The following GLRA2 variants were observed in gnomAD, a reference collection of about 807,000 sequenced individuals.
GLRA2 encodes the protein glycine receptor subunit alpha-2.
GLRA2 carries 11 observed loss-of-function variants against 31.6 expected under a neutral mutation model. The observed-to-expected ratio is 0.35, with a 90% confidence interval of 0.22 to 0.58. The LOEUF is 0.58. GLRA2 is among the 20% of genes least tolerant of loss of function. The pLI, the probability that GLRA2 is intolerant of heterozygous loss-of-function variation, is 0.84. For synonymous variants in GLRA2, 132 were observed against 134.0 expected (o/e 0.99, Z 0.10); for missense variants, 212 against 351.8 (o/e 0.60, Z 3.18).
intron 2 of GLRA2, among the ~76,000 whole-genome samples, chrX:14,535,736 G>T (rs751837134): frequency 1.8e-5 from 2 of 112,319 alleles, no homozygotes; most frequent in East Asian, 5.6e-4. Flanking sequence ...TCCCCACTTA[G>T]GTGATTTGTC....
At chrX:14,527,982 A>G (rs2089200772), upstream of GLRA2, among the ~76,000 whole-genome samples, 2 of 112,588 alleles carry the variant, frequency 1.8e-5, no homozygotes, top group Non-Finnish European at 3.7e-5. Context: ...TTAAGAAAAC[A>G]TATTTGAAGA....
At chrX:14,560,117 C>T (rs1338796026) in intron 2 of GLRA2, among the ~76,000 whole-genome samples, 1 of 112,177 alleles carries the variant, frequency 8.9e-6, no homozygotes, top group East Asian at 2.8e-4. Flanking sequence ...GTCTATTGAG[C>T]TAATGGCAAG....
the GLRA2 span, among the ~76,000 whole-genome samples, chrX:14,504,925 G>T: frequency 8.9e-6 from 1 of 111,881 alleles, no homozygotes; most frequent in Non-Finnish European, 1.9e-5. Flanking sequence ...GTCTGAGTAT[G>T]GGTCTAGGAA....
chrX:14,701,671 CAGTT>C (rs1457481997), intron 8 of GLRA2, among the ~76,000 whole-genome samples: 1 of 112,446 alleles, frequency 8.9e-6, no homozygotes, highest in African/African-American at 3.2e-5. Context: ...TAAAATGTGG[CAGTT>C]AGCCCACTTA....
rs1409628545 is a variant in GLRA2, at chrX:14,730,934, ACACACACACACAC to A, written c.*450_*462del. On this transcript the variant is annotated 3_prime_UTR_variant, in exon 9 of 9. Transcript: ENST00000218075. ...CACACACACACACACACACACACAC[ACACACACACACAC>A]ACAAACTTCAAAAATGCTTAACCAT... is the stretch of plus-strand genomic sequence containing the variant. 1 of 101,866 alleles carries A rather than the reference ACACACACACACAC, an allele frequency of 9.8e-6. No homozygotes were observed. Among genetic ancestry groups the A allele is most frequent in the Non-Finnish European group, 2.0e-5 (1 of 50,349 alleles). 8.4% of individuals were successfully genotyped at this position (101,866 alleles called of 1,213,427 possible). A position where few individuals can be genotyped will look rare whatever the true frequency, so the allele number is the denominator to read the frequency against.
intron 7 of GLRA2, among the ~76,000 whole-genome samples, chrX:14,680,143 C>A (rs775302588): frequency 8.9e-6 from 1 of 112,258 alleles, no homozygotes; most frequent in African/African-American, 3.2e-5. Context: ...AGGCAGTGGA[C>A]TGAATTTGAT....
At chrX:14,642,982 T>C (rs185404005) in intron 7 of GLRA2, among the ~76,000 whole-genome samples, 1 of 111,125 alleles carries the variant, frequency 9.0e-6, no homozygotes, top group South Asian at 3.8e-4. Flanking sequence ...AAAACAGAGA[T>C]ATTTCTGGCA....
At chrX:14,564,088 A>T (rs766337355) in intron 2 of GLRA2, among the ~76,000 whole-genome samples, 1 of 111,546 alleles carries the variant, frequency 9.0e-6, no homozygotes, top group African/African-American at 3.3e-5. Flanking sequence ...AAATATGTAA[A>T]TCTACAAATC....
At chrX:14,677,808 C>G (rs1052171553) in intron 7 of GLRA2, among the ~76,000 whole-genome samples, 1 of 112,433 alleles carries the variant, frequency 8.9e-6, no homozygotes, top group Non-Finnish European at 1.9e-5. Flanking sequence ...GCTGAATGTT[C>G]TTCAGAGCAA....
chrX:14,691,452 A>G (rs1457648487), intron 8 of GLRA2, among the ~76,000 whole-genome samples: 1 of 111,665 alleles, frequency 9.0e-6, no homozygotes, highest in African/African-American at 3.3e-5. Context: ...TGGCCTCATT[A>G]TCTCAACTTA....
At position 14,581,418 on chromosome X, in the gene GLRA2, T is replaced by C. The variant is rs1003297787; in HGVS notation, c.494+12T>C. ...CTCTACAGTATCAGGTAAGCCTCCA[T>C]TGGCTGCACATGTTCGCATCTCCAT... On this transcript the variant is annotated intron_variant, in intron 4 of 8. Transcript: ENST00000218075. The C allele has an allele frequency of 2.0e-5, 20 of 992,186 alleles. No homozygotes were observed. Among genetic ancestry groups the C allele is most frequent in the African/African-American group, 1.7e-4 (9 of 53,122 alleles). The allele number at this position is 992,186 out of a possible 1,213,427, so 81.8% of individuals were successfully genotyped here. A position where few individuals can be genotyped will look rare whatever the true frequency, so the allele number is the denominator to read the frequency against.
At chrX:14,589,080 C>T (rs1169725499) in intron 4 of GLRA2, among the ~76,000 whole-genome samples, 1 of 111,130 alleles carries the variant, frequency 9.0e-6, no homozygotes, top group East Asian at 2.8e-4. Flanking sequence ...CTTTCTCTTG[C>T]CTGATTGCTC....
intron 3 of GLRA2, among the ~76,000 whole-genome samples, chrX:14,575,156 T>G (rs1218651582): frequency 9.1e-6 from 1 of 109,732 alleles, no homozygotes; most frequent in Non-Finnish European, 1.9e-5. Flanking sequence ...TAAACATGTT[T>G]CATATATCTG....
At chrX:14,689,788 A>C (rs193198218) in intron 7 of GLRA2, among the ~76,000 whole-genome samples, 7 of 112,305 alleles carry the variant, frequency 6.2e-5, no homozygotes, top group African/African-American at 2.3e-4. Context: ...TCTAGGATCC[A>C]ATATTTTATA....
chrX:14,672,407 T>C (rs1428995142), intron 7 of GLRA2, among the ~76,000 whole-genome samples: 3 of 112,732 alleles, frequency 2.7e-5, no homozygotes, highest in Non-Finnish European at 5.6e-5. Flanking sequence ...ATAATAATGC[T>C]ATCTGATGGC....
chrX:14,641,329 CTT>C (rs1262330897), intron 7 of GLRA2, among the ~76,000 whole-genome samples: 1 of 111,055 alleles, frequency 9.0e-6, no homozygotes, highest in Admixed American at 9.6e-5. Flanking sequence ...TAATTTTTGC[CTT>C]TTTTGAAATT....
chrX:14,454,183 CACACCCACACACA>C, the GLRA2 span, among the ~76,000 whole-genome samples: 1 of 7,328 alleles, frequency 1.4e-4, no homozygotes, highest in Non-Finnish European at 2.6e-4. Context: ...CCCACACCCA[CACACCCACACACA>C]CACACACACA....
chrX:14,455,484 A>C, the GLRA2 span, among the ~76,000 whole-genome samples: 15 of 112,061 alleles, frequency 1.3e-4, no homozygotes, highest in Middle Eastern at 4.7e-3. Context: ...CTAAAGGCTA[A>C]AAATCAACTT....
chrX:14,557,185 G>C (rs1465057096), intron 2 of GLRA2, among the ~76,000 whole-genome samples: 16 of 87,509 alleles, frequency 1.8e-4, no homozygotes, highest in South Asian at 1.8e-3. Flanking sequence ...GCGCGATCTC[G>C]GCTCACTGTA....
Sources: gnomAD v4.1 joint callset for allele counts (sites outside exome capture counted in the v4.1 genomes callset) on GRCh38, gnomAD v4.1.1 for gene constraint, MANE v1.5 for transcripts, NCBI Gene and HGNC (gene_info 2026-07-23, HGNC 2026-07-21) for gene names.